XRCC4: variants seen among roughly 807,000 people sequenced by gnomAD.
XRCC4 encodes the protein DNA repair protein XRCC4.
XRCC4 carries 28 observed loss-of-function variants against 39.1 expected under a neutral mutation model. The observed-to-expected ratio is 0.72, with a 90% CI of 0.53 to 0.98. The LOEUF is 0.98. Ranked by LOEUF, XRCC4 falls within the 50% of genes least tolerant of loss-of-function variation. The probability of loss-of-function intolerance (pLI) is 0.00; values close to 1 mark genes in which losing one functional copy is unlikely to be tolerated. For synonymous variants in XRCC4, 123 were observed against 126.4 expected (o/e 0.97, Z 0.18); for missense variants, 350 against 376.4 (o/e 0.93, Z 0.58).
chr5:83,239,252 A>C (rs889389813), intron 6 of XRCC4, among the ~76,000 whole-genome samples: 28 of 152,232 alleles, frequency 1.8e-4, no homozygotes, highest in African/African-American at 5.8e-4. Context: ...AAAAAATCTA[A>C]ACAATTAGTT....
intron 7 of XRCC4, among the ~76,000 whole-genome samples, chr5:83,299,713 A>G (rs770502701): frequency 1.3e-5 from 2 of 152,178 alleles, no homozygotes; most frequent in Non-Finnish European, 2.9e-5. Flanking sequence ...AATTTCAAGT[A>G]TCATGTTTTA....
At chr5:83,357,162 T>C (rs1296555986), downstream of XRCC4, among the ~76,000 whole-genome samples, 2 of 152,192 alleles carry the variant, frequency 1.3e-5, no homozygotes, top group Non-Finnish European at 2.9e-5. Flanking sequence ...AAAGGATAAA[T>C]CGATCCTTTC....
chr5:83,158,114 T>C (rs7710530), intron 3 of XRCC4, among the ~76,000 whole-genome samples: 139,755 of 152,054 alleles, frequency 0.92, 64,347 homozygotes, highest in African/African-American at 0.96. Context: ...CTCTTGAAAA[T>C]AATTTGAAAA....
Position 83,231,998 on chromosome 5 carries a change from C to T in XRCC4, c.746-26532C>T, listed in dbSNP as rs572286393. Among the ~76,000 whole-genome samples the T allele has an allele frequency of 3.3e-5, 5 of 152,164 alleles. No individual in the cohort carries two copies. The East Asian group carries it at 9.7e-4, about 29-fold the overall frequency. ...TTTTAATGACCTTCCCTGCAAAATA[C>T]ACTCCCTTGATCTCAGGTCAGCCTA... On this transcript the variant is annotated intron_variant, in intron 6 of 7. Coordinates refer to ENST00000396027, the MANE Select transcript of XRCC4 (RefSeq NM_003401.5).
At chr5:83,155,211 A>G (rs752366885) in intron 3 of XRCC4, among the ~76,000 whole-genome samples, 10 of 152,180 alleles carry the variant, frequency 6.6e-5, no homozygotes, top group Non-Finnish European at 1.3e-4. Context: ...TGCTTACTAG[A>G]AATACACTCA....
At chr5:83,161,715 T>C (rs1243282772) in intron 3 of XRCC4, among the ~76,000 whole-genome samples, 1 of 152,216 alleles carries the variant, frequency 6.6e-6, no homozygotes, top group Non-Finnish European at 1.5e-5. Context: ...ACATATTTGT[T>C]CGTCTTGTTT....
At chr5:83,177,116 T>C (rs1749995003) in intron 3 of XRCC4, among the ~76,000 whole-genome samples, 5 of 152,208 alleles carry the variant, frequency 3.3e-5, no homozygotes, top group Admixed American at 3.3e-4. Flanking sequence ...AAATATTATT[T>C]CTGTAAAAGG....
At chr5:83,082,201 A>C (rs1005306717) in intron 1 of XRCC4, among the ~76,000 whole-genome samples, 2 of 152,128 alleles carry the variant, frequency 1.3e-5, no homozygotes, top group Non-Finnish European at 2.9e-5. Context: ...GCCTCCCTAC[A>C]GTCTATTCTC....
chr5:83,137,044 A>C (rs1747933487), intron 3 of XRCC4, among the ~76,000 whole-genome samples: 1 of 152,204 alleles, frequency 6.6e-6, no homozygotes, highest in Admixed American at 6.5e-5. Context: ...AGATCAAGTC[A>C]TCAAGTTGTG....
In XRCC4 at chr5:83,203,598, T is replaced by C. The variant is rs747766618; in HGVS notation, c.529T>C (p.Tyr177His). 1 of 1,609,006 alleles carries C rather than the reference T, an allele frequency of 6.2e-7. No homozygotes were observed. The highest frequency in any genetic ancestry group is 1.1e-5 in the South Asian group (1 of 89,252). The change falls in exon 5 of 8, where the codon TAT becomes CAT. Residue 177 changes from tyrosine (Y) to histidine (H), a missense_variant. Coordinates refer to ENST00000396027, the MANE Select transcript of XRCC4 (RefSeq NM_003401.5). ...SAKEALETDL[Y>H]KRFILVLNEK... ...TAAGGAAGCTTTGGAGACTGATCTTTATAAGCGGTTTATTCTGGTGTTGAA... is the reference window on the plus strand; with the variant it reads ...TAAGGAAGCTTTGGAGACTGATCTTCATAAGCGGTTTATTCTGGTGTTGAA...
chr5:83,183,522 C>G (rs933273686), intron 3 of XRCC4, among the ~76,000 whole-genome samples: 1 of 150,150 alleles, frequency 6.7e-6, no homozygotes, highest in South Asian at 2.1e-4. Context: ...TAGAGTGTGT[C>G]CTCTCAGGAA....
At chr5:83,092,149 A>G (rs2112320096) in intron 1 of XRCC4, among the ~76,000 whole-genome samples, 1 of 152,222 alleles carries the variant, frequency 6.6e-6, no homozygotes, top group East Asian at 1.9e-4. Flanking sequence ...AGTTATTCAG[A>G]TGTATTCTTT....
chr5:83,086,162 A>C (rs1017793), intron 1 of XRCC4, among the ~76,000 whole-genome samples: 7,631 of 152,254 alleles, frequency 0.05, 622 homozygotes, highest in African/African-American at 0.17. Context: ...ATAATATTGT[A>C]TGAGTTCTTA....
At position 83,314,224 on chromosome 5, in the gene XRCC4, C is replaced by G. The variant is rs78318433; in HGVS notation, c.894-38907C>G. Among the ~76,000 whole-genome samples, 509 of 152,050 alleles carry G rather than the reference C, an allele frequency of 3.3e-3. 16 individuals carry two copies. The East Asian group carries it at 0.077, about 23-fold the overall frequency. On this transcript the variant is annotated intron_variant, in intron 7 of 7. Coordinates refer to ENST00000396027, the MANE Select transcript of XRCC4 (RefSeq NM_003401.5). ...ATCAGTCAAATAAATAAATTATAAC[C>G]CTTTCTCTAACAAAGGGATGTAAGT... is the stretch of plus-strand genomic sequence containing the variant.
At chr5:83,237,923 CA>C (rs1042193376) in intron 6 of XRCC4, among the ~76,000 whole-genome samples, 1 of 151,520 alleles carries the variant, frequency 6.6e-6, no homozygotes, top group African/African-American at 2.4e-5. Context: ...TCTAAATTTT[CA>C]AAAAAATTTA....
intron 7 of XRCC4, among the ~76,000 whole-genome samples, chr5:83,288,986 T>C (rs555426707): frequency 6.6e-6 from 1 of 151,964 alleles, no homozygotes; most frequent in East Asian, 1.9e-4. Context: ...TCTCTTTCAG[T>C]TTATATCATT....
At chr5:83,228,064 C>A (rs1438229407) in intron 6 of XRCC4, among the ~76,000 whole-genome samples, 1 of 151,988 alleles carries the variant, frequency 6.6e-6, no homozygotes, top group African/African-American at 2.4e-5. Context: ...CCCTGAAAAA[C>A]TTCTATTTTC....
chr5:83,258,018 TCA>T lies in XRCC4; in HGVS notation c.746-506_746-505del, dbSNP rs1316216875. Among the ~76,000 whole-genome samples the T allele has an allele frequency of 2.6e-5, 4 of 151,902 alleles. No individual in the cohort carries two copies. The East Asian group carries it at 7.7e-4, about 29-fold the overall frequency. On this transcript the variant is annotated intron_variant, in intron 6 of 7. Coordinates refer to ENST00000396027, the MANE Select transcript of XRCC4 (RefSeq NM_003401.5). The stretch of plus-strand genomic sequence containing the variant: ...ACACATGGACACAGGGATGGAAACA[TCA>T]CACACCGGGGCCTGTCAGTGGGTGA...
chr5:83,247,536 T>G (rs1337198051), intron 6 of XRCC4, among the ~76,000 whole-genome samples: 1 of 152,130 alleles, frequency 6.6e-6, no homozygotes, highest in Non-Finnish European at 1.5e-5. Context: ...GAAAAATTAA[T>G]TGGGAACTAT....
Sources: allele counts gnomAD v4.1 joint callset (sites outside exome capture counted in the v4.1 genomes callset), GRCh38; gene constraint gnomAD v4.1.1; transcripts MANE v1.5; gene names NCBI Gene and HGNC (gene_info 2026-07-23, HGNC 2026-07-21).